Variants in DENND2C observed in about 807,000 individuals in gnomAD.
The protein encoded by DENND2C is DENN domain-containing protein 2C.
In DENND2C, 72 loss-of-function variants were observed where a neutral mutation model predicts 112.4. The observed-to-expected ratio is 0.64, with a 90% CI of 0.53 to 0.78. DENND2C has a LOEUF of 0.78. Among genes scored for constraint, DENND2C ranks in the 30% least tolerant of loss-of-function variants. The pLI, the probability that DENND2C is intolerant of heterozygous loss-of-function variation, is 0.00. For synonymous variants in DENND2C, 329 were observed against 381.6 expected, an observed-to-expected ratio of 0.86 and a Z score of 1.61; for missense variants, 992 against 1,113.8, an observed-to-expected ratio of 0.89 and a Z score of 1.56.
At chr1:114,595,973 C>T in intron 16 of DENND2C, 100 bp from the exon 17 acceptor site, 1 of 1,133,964 alleles carries the variant, frequency 8.8e-7, no homozygotes, top group Non-Finnish European at 1.3e-6. Context: ...AAGTTTCAGC[C>T]CATTTAAAAG....
At chr1:114,603,352 T>G (rs1034252932) in intron 11 of DENND2C, among the ~76,000 whole-genome samples, 1 of 152,076 alleles carries the variant, frequency 6.6e-6, no homozygotes, top group Non-Finnish European at 1.5e-5. Flanking sequence ...TTGGCCAGGC[T>G]GGTCTCGAAC....
chr1:114,609,198 T>C (rs1465828839), intron 9 of DENND2C, among the ~76,000 whole-genome samples: 4 of 152,144 alleles, frequency 2.6e-5, no homozygotes, highest in Non-Finnish European at 4.4e-5. Flanking sequence ...CCAGGACACA[T>C]GGAAAATGTC....
At chr1:114,612,758 T>TC (rs1254985768) in intron 8 of DENND2C, among the ~76,000 whole-genome samples, 1 of 152,158 alleles carries the variant, frequency 6.6e-6, no homozygotes, top group Non-Finnish European at 1.5e-5. Context: ...GACCTCGTGA[T>TC]CTGCCCATCT....
chr1:114,630,558 T>C (rs569218355), intron 3 of DENND2C, among the ~76,000 whole-genome samples: 2 of 152,178 alleles, frequency 1.3e-5, no homozygotes, highest in South Asian at 2.1e-4. Flanking sequence ...CTCCAGAAAG[T>C]AGGGTCAGGA....
chr1:114,588,970 T>C (rs1240819847), intron 18 of DENND2C, among the ~76,000 whole-genome samples: 1 of 152,236 alleles, frequency 6.6e-6, no homozygotes, highest in Non-Finnish European at 1.5e-5. Flanking sequence ...TGTTGTACTG[T>C]ATTAAGTGCT....
At chr1:114,603,959 T>C (rs1174236042) in intron 11 of DENND2C, among the ~76,000 whole-genome samples, 1 of 152,212 alleles carries the variant, frequency 6.6e-6, no homozygotes, top group Non-Finnish European at 1.5e-5. Flanking sequence ...TGATCTGTAA[T>C]TTCTGCTTTT....
chr1:114,654,323 T>C (rs1401330635), intron 2 of DENND2C, among the ~76,000 whole-genome samples, 182 bp downstream of exon 2: 5 of 152,010 alleles, frequency 3.3e-5, no homozygotes, highest in African/African-American at 1.2e-4. Context: ...TCCCAGCTAC[T>C]CAGGAGGCTG....
Position 114,668,757 on chromosome 1 carries a change from T to C in DENND2C, c.-574+1226A>G, listed in dbSNP as rs369217248. On this transcript the variant is annotated intron_variant, in intron 1 of 20. Transcript: ENST00000393274. ...ACAAAAACGTCTATAATAAAGGCTG[T>C]ATGAAAAAATATGGCTATATATTAA... Among the ~76,000 whole-genome samples the C allele has an allele frequency of 9.0e-4, 137 of 152,302 alleles. 1 individual carries two copies. Among genetic ancestry groups the C allele is most frequent in the African/African-American group, 3.0e-3 (126 of 41,562 alleles).
chr1:114,601,182 T>TA (rs1655495687), intron 13 of DENND2C, among the ~76,000 whole-genome samples: 1 of 152,188 alleles, frequency 6.6e-6, no homozygotes, highest in South Asian at 2.1e-4. Flanking sequence ...AACTTATTTT[T>TA]AAAGGAGAAG....
In DENND2C at chr1:114,600,329, T is replaced by C. The variant is rs1382606879; in HGVS notation, c.1980A>G (p.Leu660=). 3.7e-6 allele frequency: 6 copies of C among 1,614,016 alleles called. No individual in the cohort carries two copies. The highest frequency in any genetic ancestry group is 5.1e-6 in the Non-Finnish European group (6 of 1,180,012). Residue 660 remains leucine, a synonymous_variant, in exon 15 of 21, where the codon CTA becomes CTG. Transcript: ENST00000393274. ...AATCAACATGTTCCAATCGGGAATC[T>C]AGTGGTCGGCAGAGTTCAATGGACT... ...GDESIELCRP[L]DSRLEHVDFK...
intron 3 of DENND2C, among the ~76,000 whole-genome samples, chr1:114,630,586 C>T (rs1382498760): frequency 6.6e-6 from 1 of 152,110 alleles, no homozygotes; most frequent in East Asian, 1.9e-4. Flanking sequence ...CCCAAACAGA[C>T]ATGGCAACCT....
chr1:114,584,123 T>C lies in DENND2C; in HGVS notation c.*1477A>G, dbSNP rs1234033735. 6.6e-6 allele frequency: 1 copy of C among 152,130 alleles called. No homozygotes were observed. Among genetic ancestry groups the C allele is most frequent in the Non-Finnish European group, 1.5e-5 (1 of 68,030 alleles). The allele number at this position is 152,130 out of a possible 1,614,324, so 9.4% of individuals were successfully genotyped here. On this transcript the variant is annotated 3_prime_UTR_variant, in exon 21 of 21. Coordinates refer to ENST00000393274, the MANE Select transcript of DENND2C (RefSeq NM_001256404.2). ...AGAAAATTTTTATTAATAAAAGAAA[T>C]AGCTATATAATCCTACTGAGATGAA... is the stretch of plus-strand genomic sequence containing the variant.
rs753705943 is a variant in DENND2C at position 114,594,533 on chromosome 1, G to C, written c.2371C>G (p.Leu791Val). Residue 791 changes from leucine to valine, a missense_variant, in exon 18 of 21, where the codon CTG becomes GTG. Leu to Val is a conservative substitution (Grantham distance 32). Around this residue, in one of 3 missense-constraint regions of DENND2C, gnomAD observed 516 missense variants for 623.6 expected, o/e 0.83. Coordinates refer to ENST00000393274, the MANE Select transcript of DENND2C (RefSeq NM_001256404.2). ...EILPPKLQAALMQILEERNEI... is the reference protein window; with the variant it reads ...EILPPKLQAAVMQILEERNEI... ...TTTCGTTCTTCCAAAATCTGCATCA[G>C]GGCAGCTTGAAGTTTTGGTGGTAGA... 1.2e-5 allele frequency: 19 copies of C among 1,613,748 alleles called. No homozygotes were observed. Among genetic ancestry groups the C allele is most frequent in the Non-Finnish European group, 1.6e-5 (19 of 1,179,982 alleles).
rs779144796 is a variant in DENND2C, at chr1:114,587,733, C to T, written c.2651G>A (p.Arg884Gln). ...AAACTGACCTTTAACTCCACTTTTCCGAAGCTCTCGGTCCTGGATGAATCC... is the reference window on the plus strand; with the variant it reads ...AAACTGACCTTTAACTCCACTTTTCTGAAGCTCTCGGTCCTGGATGAATCC... ...FAGFIQDREL[R>Q]KSGVKGLFEI... is the part of the protein sequence containing the mutation. Residue 884 changes from arginine to glutamine, a missense_variant, in exon 19 of 21, where the codon CGG becomes CAG. Coordinates refer to ENST00000393274, the MANE Select transcript of DENND2C (RefSeq NM_001256404.2). 7 of 1,608,048 alleles carry T rather than the reference C, an allele frequency of 4.4e-6. No homozygotes were observed. The highest frequency in any genetic ancestry group is 2.2e-5 in the East Asian group (1 of 44,786).
intron 3 of DENND2C, among the ~76,000 whole-genome samples, chr1:114,629,744 A>G (rs1656437920): frequency 6.6e-6 from 1 of 152,210 alleles, no homozygotes; most frequent in African/African-American, 2.4e-5. Flanking sequence ...ATAACCTATC[A>G]TATATAGAAT....
intron 10 of DENND2C, among the ~76,000 whole-genome samples, chr1:114,605,557 C>G (rs1057304857): frequency 6.6e-6 from 1 of 152,154 alleles, no homozygotes; most frequent in South Asian, 2.1e-4. Context: ...TTTGGGAGCC[C>G]AAGGTGGGCG....
chr1:114,592,675 G>A (rs1015565410), intron 18 of DENND2C, among the ~76,000 whole-genome samples: 6 of 152,152 alleles, frequency 3.9e-5, no homozygotes, highest in African/African-American at 1.2e-4. Context: ...AGCTATGATC[G>A]CACCACTGCA....
At chr1:114,655,847 T>C (rs1022320541) in intron 1 of DENND2C, among the ~76,000 whole-genome samples, 6 of 144,638 alleles carry the variant, frequency 4.1e-5, no homozygotes, top group Admixed American at 2.1e-4. Flanking sequence ...TAATCTTACA[T>C]GTACAGCTCA....
At chr1:114,622,287 CT>C (rs973449491) in intron 6 of DENND2C, among the ~76,000 whole-genome samples, 4 of 151,578 alleles carry the variant, frequency 2.6e-5, no homozygotes, top group Non-Finnish European at 4.4e-5. Flanking sequence ...CTAATTTTTT[CT>C]TTTTTTTGGT....
Sources: gnomAD v4.1 joint callset for allele counts (sites outside exome capture counted in the v4.1 genomes callset) on GRCh38, gnomAD v4.1.1 for gene constraint, gnomAD v4.1.1 regional missense constraint, MANE v1.5 for transcripts, NCBI Gene and HGNC (gene_info 2026-07-23, HGNC 2026-07-21) for gene names.